PDE10A: variants seen among roughly 807,000 people sequenced by gnomAD.
PDE10A encodes the protein phosphodiesterase 10A.
In PDE10A, 39 loss-of-function variants were observed where a neutral mutation model predicts 97.7. The ratio of observed to expected loss-of-function variants is 0.40; its 90% CI spans 0.31 to 0.52. PDE10A has a LOEUF of 0.52. PDE10A is among the 20% of genes least tolerant of loss of function. PDE10A has a pLI of 0.56. For missense variants in PDE10A, 731 were observed against 1,047.8 expected, an observed-to-expected ratio of 0.70 and a Z score of 4.17; for synonymous variants, 371 against 376.8, an observed-to-expected ratio of 0.98 and a Z score of 0.18.
intron 1 of PDE10A, among the ~76,000 whole-genome samples, chr6:165,699,885 A>T (rs2128443423): frequency 6.6e-6 from 1 of 152,312 alleles, no homozygotes; most frequent in South Asian, 2.1e-4. Context: ...AAGAAGAAAG[A>T]TCTCAAATCA....
intron 1 of PDE10A, among the ~76,000 whole-genome samples, chr6:165,575,548 T>G (rs1411289721): frequency 6.6e-6 from 1 of 152,184 alleles, no homozygotes; most frequent in East Asian, 1.9e-4. Flanking sequence ...TCTCATGTCT[T>G]CAAACTCTCC....
In PDE10A at chr6:165,328,153, C is replaced by G. The variant is rs564656017; in HGVS notation, c.*4872G>C. 1 of 151,988 alleles carries G rather than the reference C, an allele frequency of 6.6e-6. No homozygotes were observed. Among genetic ancestry groups the G allele is most frequent in the Non-Finnish European group, 1.5e-5 (1 of 68,026 alleles). 9.4% of individuals were successfully genotyped at this position (151,988 alleles called of 1,614,324 possible). A position where few individuals can be genotyped will look rare whatever the true frequency, so the allele number is the denominator to read the frequency against. On this transcript the variant is annotated 3_prime_UTR_variant, in exon 22 of 22. Transcript: ENST00000539869. The stretch of plus-strand genomic sequence containing the variant: ...ATCTATTACACTCTGAACTTGCACA[C>G]GAAATGAACACATAGCATATACACC...
At chr6:165,410,402 G>A (rs181256543) in intron 13 of PDE10A, among the ~76,000 whole-genome samples, 11 of 152,252 alleles carry the variant, frequency 7.2e-5, no homozygotes, top group Admixed American at 2.0e-4. Flanking sequence ...AAAAATAAGA[G>A]GGACAAGTTG....
chr6:165,389,825 C>T (rs945814976), intron 16 of PDE10A, among the ~76,000 whole-genome samples: 3 of 152,074 alleles, frequency 2.0e-5, no homozygotes, highest in Non-Finnish European at 4.4e-5. Flanking sequence ...CTCAAGTACT[C>T]CCAATTCTAA....
intron 1 of PDE10A, among the ~76,000 whole-genome samples, chr6:165,635,553 C>T (rs1441168686): frequency 6.6e-6 from 1 of 152,182 alleles, no homozygotes; most frequent in African/African-American, 2.4e-5. Flanking sequence ...TCCAAGCAAA[C>T]AAGTGGGTAC....
At chr6:165,366,513 A>C (rs1449418326) in intron 18 of PDE10A, among the ~76,000 whole-genome samples, 3 of 152,242 alleles carry the variant, frequency 2.0e-5, no homozygotes, top group African/African-American at 7.2e-5. Flanking sequence ...GATGCTGTCT[A>C]GTACCTAAAA....
In PDE10A at chr6:165,662,089, G is replaced by T; in HGVS notation, c.723C>A (p.Gly241=). The T allele has an allele frequency of 8.2e-7, 1 of 1,220,716 alleles. No individual in the cohort carries two copies. The highest frequency in any genetic ancestry group is 1.0e-6 in the Non-Finnish European group (1 of 969,748). The allele number at this position is 1,220,716 out of a possible 1,614,324, so 75.6% of individuals were successfully genotyped here. Residue 241 remains glycine, a synonymous_variant, in exon 1 of 22, where the codon GGC becomes GGA. Transcript: ENST00000539869. The stretch of plus-strand genomic sequence containing the variant: ...CCTGGGGACGCCGCGGAGTTTGGCC[G>T]CCGCCGCCTGGGCCGGCGCCGGGGA... The part of the protein sequence containing the change: ...PGFPGAGPGG[G]GQTPRRPQGA...
In PDE10A at chr6:165,798,898, G is replaced by T. The variant is rs1279838477; in HGVS notation, c.-615+188631C>A. 2.6e-5 allele frequency among the ~76,000 whole-genome samples: 4 copies of T among 152,242 alleles called. No homozygotes were observed. The East Asian group carries it at 7.7e-4, about 29-fold the overall frequency. Reference sequence around the variant, plus strand: ...AATTTTGGTGTTTTTTGTAGAAATGGGGTTTCACCATGTTGGCCAGGCTGG... The same window carrying T: ...AATTTTGGTGTTTTTTGTAGAAATGTGGTTTCACCATGTTGGCCAGGCTGG... On this transcript the variant is annotated intron_variant, in intron 1 of 19. Coordinates refer to the PDE10A transcript ENST00000366882.
At chr6:165,777,438 T>C (rs1778217046) in intron 1 of PDE10A, among the ~76,000 whole-genome samples, 2 of 152,192 alleles carry the variant, frequency 1.3e-5, no homozygotes, top group Non-Finnish European at 2.9e-5. Context: ...ACAAGGGCAC[T>C]CAACAAAAAC....
intron 1 of PDE10A, among the ~76,000 whole-genome samples, chr6:165,750,503 T>C (rs1031684504): frequency 3.9e-5 from 6 of 152,136 alleles, no homozygotes; most frequent in Admixed American, 2.6e-4. Flanking sequence ...ACATTGACAC[T>C]AAGCCTGGAC....
At chr6:165,415,225 G>GA (rs34865475) in intron 12 of PDE10A, among the ~76,000 whole-genome samples, 3 of 152,000 alleles carry the variant, frequency 2.0e-5, no homozygotes, top group Non-Finnish European at 4.4e-5. Flanking sequence ...TGGACTTTTG[G>GA]AAAAAAACTT....
intron 1 of PDE10A, among the ~76,000 whole-genome samples, chr6:165,917,092 C>G (rs1782626782): frequency 6.6e-6 from 1 of 152,120 alleles, no homozygotes; most frequent in Non-Finnish European, 1.5e-5. Flanking sequence ...TTCTGAAATT[C>G]CTTTGGATTT....
At chr6:165,544,382 CAT>C (rs1426839464) in intron 1 of PDE10A, among the ~76,000 whole-genome samples, 5 of 152,246 alleles carry the variant, frequency 3.3e-5, no homozygotes, top group African/African-American at 7.2e-5. Context: ...AGTATTTTCA[CAT>C]GTTTTCATAT....
At chr6:165,518,219 A>G (rs1487114549) in intron 2 of PDE10A, among the ~76,000 whole-genome samples, 1 of 152,220 alleles carries the variant, frequency 6.6e-6, no homozygotes, top group African/African-American at 2.4e-5. Flanking sequence ...GAGGGCACAA[A>G]TTAAAATGAC....
chr6:165,617,079 G>C (rs557569904), intron 1 of PDE10A, among the ~76,000 whole-genome samples: 2 of 152,294 alleles, frequency 1.3e-5, no homozygotes, highest in East Asian at 1.9e-4. Context: ...ATCCTCAAAT[G>C]CACAGTGCTT....
chr6:165,744,571 T>A (rs896259884), intron 1 of PDE10A, among the ~76,000 whole-genome samples: 2 of 129,740 alleles, frequency 1.5e-5, no homozygotes, highest in African/African-American at 2.6e-5. Flanking sequence ...GAGAACTAAT[T>A]TTTTTTTCAT....
rs187638359 is a variant in PDE10A, at chr6:165,457,094, T to C, written c.1024-6732A>G. Among the ~76,000 whole-genome samples the C allele has an allele frequency of 1.4e-4, 21 of 152,332 alleles. 1 individual carries two copies. The highest frequency in any genetic ancestry group is 5.1e-4 in the African/African-American group (21 of 41,574). On this transcript the variant is annotated intron_variant, in intron 3 of 21. Transcript: ENST00000539869. The stretch of plus-strand genomic sequence containing the variant: ...ACGTGAATGTCAAATCACATACTTG[T>C]AAGACACTTCTATGGAAACCCCATG...
At chr6:165,448,379 G>A (rs1323515175) in intron 5 of PDE10A, among the ~76,000 whole-genome samples, 2 of 152,116 alleles carry the variant, frequency 1.3e-5, no homozygotes, top group Non-Finnish European at 2.9e-5. Context: ...GACCAGAAAC[G>A]CAGGATCCGG....
intron 1 of PDE10A, among the ~76,000 whole-genome samples, chr6:165,608,648 A>T (rs1354838702): frequency 6.6e-6 from 1 of 152,128 alleles, no homozygotes; most frequent in East Asian, 1.9e-4. Flanking sequence ...GGCTGGGTCA[A>T]ATGGTATTTC....
Sources: allele counts gnomAD v4.1 joint callset (sites outside exome capture counted in the v4.1 genomes callset), GRCh38; gene constraint gnomAD v4.1.1; transcripts MANE v1.5; gene names NCBI Gene and HGNC (gene_info 2026-07-23, HGNC 2026-07-21).